Variants in ATL2 observed in about 807,000 individuals in gnomAD.
ATL2 encodes the protein atlastin-2.
In ATL2, 31 loss-of-function variants were observed where a neutral mutation model predicts 73.9. The observed-to-expected ratio is 0.42, with a 90% CI of 0.32 to 0.57. The LOEUF (loss-of-function observed/expected upper bound fraction) is 0.57. ATL2 is among the 20% of genes least tolerant of loss of function. The pLI, the probability that ATL2 is intolerant of heterozygous loss-of-function variation, is 0.14. For synonymous variants in ATL2, 291 were observed against 237.5 expected (o/e 1.23, Z -2.07); for missense variants, 738 against 702.6 (o/e 1.05, Z -0.57).
intron 1 of ATL2, among the ~76,000 whole-genome samples, chr2:38,363,276 C>T (rs59210221): frequency 0.12 from 18,537 of 151,332 alleles, 3,343 homozygotes; most frequent in African/African-American, 0.4. Flanking sequence ...ATGAGCATGT[C>T]TGCTGAATAA....
chr2:38,345,570 T>A (rs1200316549), intron 1 of ATL2, among the ~76,000 whole-genome samples: 2 of 152,134 alleles, frequency 1.3e-5, no homozygotes, highest in Non-Finnish European at 2.9e-5. Flanking sequence ...GTAAAAGCAA[T>A]CAATATTTAG....
At chr2:38,369,018 C>T (rs1558461248) in intron 1 of ATL2, among the ~76,000 whole-genome samples, 1 of 152,180 alleles carries the variant, frequency 6.6e-6, no homozygotes, top group Non-Finnish European at 1.5e-5. Context: ...CTGTAATATG[C>T]CCATTTTTAC....
chr2:38,356,080 C>A (rs769970051), intron 1 of ATL2, among the ~76,000 whole-genome samples: 4 of 151,910 alleles, frequency 2.6e-5, no homozygotes, highest in Non-Finnish European at 5.9e-5. Flanking sequence ...ATAGACAACC[C>A]TACCCACAAG....
intron 9 of ATL2, among the ~76,000 whole-genome samples, chr2:38,306,462 G>A (rs1216564067): frequency 1.3e-5 from 2 of 152,168 alleles, no homozygotes; most frequent in African/African-American, 2.4e-5. Context: ...TATCCCTGAT[G>A]AACACTGTTG....
At position 38,295,407 on chromosome 2, in the gene ATL2, A is replaced by G. The variant is rs1387520811; in HGVS notation, c.*587T>C. ...ATCTCCTTTTAGGGCAAGTTTATAA[A>G]TTTAAAAAGGCAAGACAAATGTACA... On this transcript the variant is annotated 3_prime_UTR_variant, in exon 13 of 13. Coordinates refer to ENST00000378954, the MANE Select transcript of ATL2 (RefSeq NM_001135673.4). The G allele has an allele frequency of 6.6e-6, 1 of 152,240 alleles. No individual in the cohort carries two copies. The highest frequency in any genetic ancestry group is 6.5e-5 in the Admixed American group (1 of 15,280). The allele number at this position is 152,240 out of a possible 1,614,324, so 9.4% of individuals were successfully genotyped here. A position where few individuals can be genotyped will look rare whatever the true frequency, so the allele number is the denominator to read the frequency against.
rs779794584 is a variant in ATL2 at position 38,298,179 on chromosome 2, C to G, written c.1597G>C (p.Val533Leu). ...YSGEFREIGT[V>L]IDQIAETLWE... ...AGTGTTTCAGCAATCTGATCAATCA[C>G]TGTTCCAATTTCTCTGAACTCCCCA... The change falls in exon 12 of 13, where the codon GTG (valine) becomes CTG (leucine). Residue 533 changes from valine (V) to leucine (L), a missense_variant. Coordinates refer to ENST00000378954, the MANE Select transcript of ATL2 (RefSeq NM_001135673.4). 2 of 1,613,810 alleles carry G rather than the reference C, an allele frequency of 1.2e-6. No homozygotes were observed. The highest frequency in any genetic ancestry group is 1.7e-6 in the Non-Finnish European group (2 of 1,179,846).
At chr2:38,317,865 C>T (rs1005995749) in intron 4 of ATL2, among the ~76,000 whole-genome samples, 3 of 152,048 alleles carry the variant, frequency 2.0e-5, no homozygotes, top group Non-Finnish European at 4.4e-5. Context: ...TTTATTGCAT[C>T]CTTTGTAACT....
At position 38,357,646 on chromosome 2, in the gene ATL2, C is replaced by T. The variant is rs573906020; in HGVS notation, c.119-14134G>A. On this transcript the variant is annotated intron_variant, in intron 1 of 12. Transcript: ENST00000378954. Reference sequence around the variant, plus strand: ...CAGCCTGCGTGACAGAGCAAGACTCCGTCTCAAAAAAAAAAAAAAAAAAAA... The same window carrying T: ...CAGCCTGCGTGACAGAGCAAGACTCTGTCTCAAAAAAAAAAAAAAAAAAAA... Among the ~76,000 whole-genome samples the T allele has an allele frequency of 6.8e-5, 7 of 103,424 alleles. 1 individual carries two copies. The South Asian group carries it at 1.7e-3, about 24-fold the overall frequency. The allele number at this position is 103,424 out of a possible 152,430, so 67.9% of individuals were successfully genotyped here.
intron 9 of ATL2, among the ~76,000 whole-genome samples, chr2:38,305,403 G>T (rs1161310181): frequency 6.6e-6 from 1 of 152,088 alleles, no homozygotes; most frequent in Non-Finnish European, 1.5e-5. Context: ...CAAAAAATTA[G>T]CTGGGCATGG....
At chr2:38,328,526 A>G (rs539067093) in intron 2 of ATL2, among the ~76,000 whole-genome samples, 2 of 152,296 alleles carry the variant, frequency 1.3e-5, no homozygotes, top group East Asian at 3.9e-4. Flanking sequence ...TAACAGAAAC[A>G]CAGCTGGAAA....
chr2:38,346,839 A>G (rs1002619820), intron 1 of ATL2, among the ~76,000 whole-genome samples: 1 of 152,206 alleles, frequency 6.6e-6, no homozygotes, highest in African/African-American at 2.4e-5. Flanking sequence ...TAAACTAGGT[A>G]GCCAAACTAA....
intron 2 of ATL2, among the ~76,000 whole-genome samples, chr2:38,329,423 C>CAAAAAAAAAAAAAAAAAAAAAAAAAAA (rs70954711): frequency 2.9e-4 from 4 of 13,672 alleles, no homozygotes; most frequent in Non-Finnish European, 4.7e-4. Flanking sequence ...ACTCCATCTC[C>CAAAAAAAAAAAAAAAAAAAAAAAAAAA]AAAAAAAAAA....
intron 1 of ATL2, among the ~76,000 whole-genome samples, chr2:38,370,448 CAAAAAA>C (rs55964015): frequency 1.8e-3 from 101 of 55,184 alleles, no homozygotes; most frequent in Middle Eastern, 0.036. Context: ...GACTCTGTCC[CAAAAAA>C]AAAAAAAAAA....
intron 1 of ATL2, among the ~76,000 whole-genome samples, chr2:38,345,082 T>C (rs1479866433): frequency 6.6e-6 from 1 of 152,146 alleles, no homozygotes; most frequent in East Asian, 1.9e-4. Context: ...GACTTTCTTC[T>C]CTACCAACTG....
chr2:38,298,143 C>T lies in ATL2; in HGVS notation c.1632+1G>A. 1 of 1,607,678 alleles carries T rather than the reference C, an allele frequency of 6.2e-7. No homozygotes were observed. Among genetic ancestry groups the T allele is most frequent in the Non-Finnish European group, 8.5e-7 (1 of 1,176,356 alleles). ...TAAAAAACCAAAAGATAGATACCAA[C>T]CTGTTCCCATAGTGTTTCAGCAATC... On this transcript the variant is annotated splice_donor_variant, in intron 12 of 12. Transcript: ENST00000378954. LOFTEE classifies it high-confidence loss of function.
rs1558459719 is a variant in ATL2 at position 38,367,622 on chromosome 2, C to CAAAA, written c.118+9520_118+9521insTTTT. ...AAAAAAAAAAAAAAAAAAAACCGCC[C>CAAAA]ATTTAAAACAACTTTTTTTTTTTTT... On this transcript the variant is annotated intron_variant, in intron 1 of 12. Coordinates refer to ENST00000378954, the MANE Select transcript of ATL2 (RefSeq NM_001135673.4). Among the ~76,000 whole-genome samples the CAAAA allele has an allele frequency of 9.4e-4, 108 of 114,638 alleles. No homozygotes were observed. In the Middle Eastern group the frequency reaches 0.02, roughly 21 times the overall value. 75.2% of individuals were successfully genotyped at this position (114,638 alleles called of 152,430 possible). A position where few individuals can be genotyped will look rare whatever the true frequency, so the allele number is the denominator to read the frequency against.
rs1456479122 is a variant in ATL2 at position 38,343,447 on chromosome 2, G to C, written c.184C>G (p.Gln62Glu). The C allele has an allele frequency of 6.2e-7, 1 of 1,612,214 alleles. No individual in the cohort carries two copies. Among genetic ancestry groups the C allele is most frequent in the Non-Finnish European group, 8.5e-7 (1 of 1,178,952 alleles). Residue 62 changes from glutamine (Q) to glutamate (E), a missense_variant, in exon 2 of 13, where the codon CAG (glutamine) becomes GAG (glutamate). Gln to Glu is a conservative substitution (Grantham distance 29). Coordinates refer to ENST00000378954, the MANE Select transcript of ATL2 (RefSeq NM_001135673.4). ...TCATCTTCATGAGCAAGAACAATCT[G>C]TACTGGACATGGTTTCTTCATAACC... ...DEVMKKPCPV[Q>E]IVLAHEDDHN...
chr2:38,335,849 G>A (rs1009790407), intron 2 of ATL2, among the ~76,000 whole-genome samples: 1 of 152,106 alleles, frequency 6.6e-6, no homozygotes, highest in African/African-American at 2.4e-5. Flanking sequence ...AGACTATCTG[G>A]CTAACACAGT....
intron 9 of ATL2, chr2:38,300,571 G>T (rs1312519576): frequency 8.5e-6 from 3 of 353,640 alleles, no homozygotes; most frequent in Non-Finnish European, 1.5e-5. Context: ...CTCAAAGTTA[G>T]ATATAAAATG....
Sources: allele counts gnomAD v4.1 joint callset (sites outside exome capture counted in the v4.1 genomes callset), GRCh38; gene constraint gnomAD v4.1.1; transcripts MANE v1.5; gene names NCBI Gene and HGNC (gene_info 2026-07-23, HGNC 2026-07-21).